The following GRID1 variants were observed in gnomAD, a reference collection of about 807,000 sequenced individuals.
GRID1 encodes glutamate ionotropic receptor delta type subunit 1, also known as glutamate receptor ionotropic, delta-1.
A neutral mutation model predicts 98.0 loss-of-function variants in GRID1; 28 were observed. The ratio of observed to expected loss-of-function variants is 0.29; its 90% CI spans 0.21 to 0.39. The LOEUF is 0.39. GRID1 is among the 10% of genes least tolerant of loss of function. The probability of loss-of-function intolerance (pLI) is 1.00; values close to 1 mark genes in which losing one functional copy is unlikely to be tolerated. For missense variants in GRID1, 1,111 were observed against 1,340.5 expected, an observed-to-expected ratio of 0.83 and a Z score of 2.67; for synonymous variants, 553 against 538.5, an observed-to-expected ratio of 1.03 and a Z score of -0.37.
chr10:85,859,385 A>G (rs2131784567), intron 6 of GRID1, among the ~76,000 whole-genome samples: 1 of 151,930 alleles, frequency 6.6e-6, no homozygotes, highest in Middle Eastern at 3.4e-3. Context: ...GGAGTGATGA[A>G]GTGATGGATG....
intron 2 of GRID1, among the ~76,000 whole-genome samples, chr10:86,354,417 C>T (rs948501855): frequency 6.6e-6 from 1 of 152,202 alleles, no homozygotes; most frequent in South Asian, 2.1e-4. Context: ...TACTATGTGC[C>T]GGCACCCACG....
At chr10:85,714,945 C>T (rs550837419) in intron 12 of GRID1, among the ~76,000 whole-genome samples, 2 of 152,100 alleles carry the variant, frequency 1.3e-5, no homozygotes, top group Non-Finnish European at 2.9e-5. Flanking sequence ...CAATCTTAAA[C>T]AAGAGAAGCA....
At chr10:85,758,141 A>C (rs3011701) in intron 8 of GRID1, among the ~76,000 whole-genome samples, 102,541 of 152,112 alleles carry the variant, frequency 0.67, 34,923 homozygotes, top group East Asian at 0.87. Context: ...GCATTTGAGG[A>C]AAGTTTTATG....
At chr10:86,138,742 C>T in intron 4 of GRID1, 77 bp downstream of exon 4, 1 of 1,186,430 alleles carries the variant, frequency 8.4e-7, no homozygotes, top group Non-Finnish European at 1.2e-6. Context: ...GACGACTGTG[C>T]CCTGCAGCCC....
chr10:86,289,150 T>C (rs573863568), intron 2 of GRID1, among the ~76,000 whole-genome samples: 6 of 152,236 alleles, frequency 3.9e-5, no homozygotes, highest in South Asian at 2.1e-4. Context: ...CCAGTGCTGG[T>C]TGGGAGAGAC....
At chr10:86,248,563 C>CT (rs200060771) in intron 2 of GRID1, among the ~76,000 whole-genome samples, 2,240 of 121,360 alleles carry the variant, frequency 0.018, 168 homozygotes, top group African/African-American at 0.032. Context: ...CATGACAATT[C>CT]TTTTTTTTTT....
At chr10:86,085,344 CAGAA>C (rs1334130964) in intron 4 of GRID1, among the ~76,000 whole-genome samples, 3 of 152,190 alleles carry the variant, frequency 2.0e-5, no homozygotes, top group African/African-American at 4.8e-5. Flanking sequence ...GTGCCAGCCT[CAGAA>C]GGACGGCGCA....
intron 3 of GRID1, among the ~76,000 whole-genome samples, chr10:86,150,720 T>G (rs929315476): frequency 1.3e-5 from 2 of 152,174 alleles, no homozygotes; most frequent in African/African-American, 4.8e-5. Context: ...GAGGGGGTTT[T>G]GGGAGGTAAT....
intron 4 of GRID1, among the ~76,000 whole-genome samples, chr10:86,109,834 C>G (rs2131950926): frequency 6.6e-6 from 1 of 152,296 alleles, no homozygotes; most frequent in African/African-American, 2.4e-5. Context: ...TGGCTGGGGT[C>G]CAAATCCTGC....
At chr10:85,690,131 T>A (rs937567329) in intron 12 of GRID1, among the ~76,000 whole-genome samples, 2 of 152,304 alleles carry the variant, frequency 1.3e-5, no homozygotes, top group Admixed American at 1.3e-4. Context: ...ATGAATTAAA[T>A]CTGCAATAAA....
chr10:85,951,476 C>T (rs371106581), intron 4 of GRID1, among the ~76,000 whole-genome samples: 1 of 152,172 alleles, frequency 6.6e-6, no homozygotes, highest in African/African-American at 2.4e-5. Context: ...CTTTCACATA[C>T]AACCAAAACA....
chr10:86,229,874 T>G (rs1311400442), intron 2 of GRID1, among the ~76,000 whole-genome samples: 1 of 152,190 alleles, frequency 6.6e-6, no homozygotes, highest in Non-Finnish European at 1.5e-5. Context: ...CTATGTCCTC[T>G]GTAAGACACC....
chr10:86,241,423 C>T (rs1024497672), intron 2 of GRID1, among the ~76,000 whole-genome samples: 2 of 152,250 alleles, frequency 1.3e-5, no homozygotes, highest in Admixed American at 6.5e-5. Context: ...CCCCTACAGC[C>T]GCAGGCTGAG....
Position 85,647,250 on chromosome 10 carries a change from G to A in GRID1, c.2145C>T (p.Asn715=), listed in dbSNP as rs1409355332. ...TGGACACGCAGTTGTCAGCCCCTCC[G>A]TTCTTGCTGATGGTCCGCCAGAGTT... ...FAELWRTISK[N]GGADNCVSSP... The change falls in exon 13 of 16, where the codon AAC becomes AAT. Residue 715 remains asparagine (N), a synonymous_variant. Transcript: ENST00000327946. The A allele has an allele frequency of 3.1e-6, 5 of 1,614,094 alleles. No homozygotes were observed. Among genetic ancestry groups the A allele is most frequent in the Non-Finnish European group, 4.2e-6 (5 of 1,180,032 alleles).
chr10:85,795,048 T>C (rs1842514020), intron 8 of GRID1, among the ~76,000 whole-genome samples: 1 of 152,182 alleles, frequency 6.6e-6, no homozygotes, highest in Non-Finnish European at 1.5e-5. Flanking sequence ...AAGACAATAC[T>C]GACAGTCATC....
intron 13 of GRID1, 110 bp from the exon 14 acceptor site, chr10:85,620,143 T>C (rs567158628): frequency 1.2e-6 from 1 of 838,736 alleles, no homozygotes; most frequent in East Asian, 2.6e-5. Flanking sequence ...TCAATGGTCT[T>C]CCTACCCACC....
chr10:85,924,834 G>A (rs1225270586), intron 4 of GRID1, among the ~76,000 whole-genome samples: 1 of 152,198 alleles, frequency 6.6e-6, no homozygotes, highest in Admixed American at 6.5e-5. Flanking sequence ...GAGCTCGACA[G>A]CCAGTCTGAA....
intron 2 of GRID1, among the ~76,000 whole-genome samples, chr10:86,207,540 G>A (rs1318577567): frequency 6.6e-6 from 1 of 151,854 alleles, no homozygotes; most frequent in Non-Finnish European, 1.5e-5. Context: ...ACCTCCCAAC[G>A]CTGCAACCCA....
intron 3 of GRID1, among the ~76,000 whole-genome samples, chr10:86,159,550 G>T (rs61857802): frequency 0.084 from 12,786 of 152,230 alleles, 602 homozygotes; most frequent in Middle Eastern, 0.18. Context: ...CTAGGTCTGT[G>T]TAAGTACACA....
Sources: allele counts gnomAD v4.1 joint callset (sites outside exome capture counted in the v4.1 genomes callset), GRCh38; gene constraint gnomAD v4.1.1; transcripts MANE v1.5; gene names NCBI Gene and HGNC (gene_info 2026-07-23, HGNC 2026-07-21).